CTTNBP2: variants seen among roughly 807,000 people sequenced by gnomAD.
CTTNBP2 encodes the protein cortactin binding protein 2.
Under a neutral mutation model 156.9 loss-of-function variants are expected in CTTNBP2, and 108 were observed. The ratio of observed to expected loss-of-function variants is 0.69; its 90% CI spans 0.59 to 0.81. CTTNBP2 has a LOEUF of 0.81. Among genes scored for constraint, CTTNBP2 ranks in the 30% least tolerant of loss-of-function variants. The pLI, the probability that CTTNBP2 is intolerant of heterozygous loss-of-function variation, is 0.00. For synonymous variants in CTTNBP2, 767 were observed against 751.8 expected (o/e 1.02, Z -0.33); for missense variants, 1,924 against 2,035.4 (o/e 0.95, Z 1.05).
intron 2 of CTTNBP2, among the ~76,000 whole-genome samples, chr7:117,847,454 T>C (rs1802654369): frequency 6.6e-6 from 1 of 152,112 alleles, no homozygotes; most frequent in Non-Finnish European, 1.5e-5. Context: ...GAGAATTGCT[T>C]AAATCAGGAG....
chr7:117,865,387 A>T (rs191433397), intron 1 of CTTNBP2, among the ~76,000 whole-genome samples: 1 of 152,260 alleles, frequency 6.6e-6, no homozygotes, highest in Non-Finnish European at 1.5e-5. Flanking sequence ...TGTGCCAGGC[A>T]CGGTGGCTCA....
At chr7:117,741,875 C>T (rs1355069678) in intron 14 of CTTNBP2, among the ~76,000 whole-genome samples, 1 of 152,204 alleles carries the variant, frequency 6.6e-6, no homozygotes, top group Admixed American at 6.5e-5. Context: ...TTTGCCTATG[C>T]TATTTCTTAC....
chr7:117,842,771 CA>C (rs1802353032), intron 2 of CTTNBP2, among the ~76,000 whole-genome samples: 1 of 152,104 alleles, frequency 6.6e-6, no homozygotes, highest in African/African-American at 2.4e-5. Flanking sequence ...ATACAATATT[CA>C]TTAATCTAAA....
chr7:117,781,401 T>A (rs747063012), intron 6 of CTTNBP2, among the ~76,000 whole-genome samples: 21 of 152,216 alleles, frequency 1.4e-4, no homozygotes, highest in Admixed American at 2.0e-4. Flanking sequence ...ACATTTTTTT[T>A]AAATTAAGTG....
At position 117,777,595 on chromosome 7, in the gene CTTNBP2, C is replaced by T. The variant is rs760708928; in HGVS notation, c.2694G>A (p.Lys898=). 36 of 1,613,898 alleles carry T rather than the reference C, an allele frequency of 2.2e-5. No individual in the cohort carries two copies. The South Asian group carries it at 3.8e-4, about 17-fold the overall frequency. The change falls in exon 8 of 23, where the codon AAG becomes AAA. Residue 898 remains lysine (K), a synonymous_variant. Coordinates refer to ENST00000160373, the MANE Select transcript of CTTNBP2 (RefSeq NM_033427.3). The part of the protein sequence containing the change: ...GGEESPEGIS[K]PVVPADLINH... ...TAATGAGGTCTGCAGGAACAACAGG[C>T]TTGGATATGCCTTCAGGACTCTCTT...
intron 8 of CTTNBP2, among the ~76,000 whole-genome samples, chr7:117,767,399 A>T (rs547337088): frequency 6.6e-6 from 1 of 152,242 alleles, no homozygotes; most frequent in Non-Finnish European, 1.5e-5. Flanking sequence ...TAGGATCATA[A>T]CATTGTTCCA....
At chr7:117,725,483 T>C (rs1795040709) in intron 17 of CTTNBP2, among the ~76,000 whole-genome samples, 1 of 152,234 alleles carries the variant, frequency 6.6e-6, no homozygotes, top group South Asian at 2.1e-4. Context: ...ATTGTTTACA[T>C]GTCTCTCTCA....
intron 2 of CTTNBP2, among the ~76,000 whole-genome samples, chr7:117,852,014 G>C (rs758491870): frequency 2.6e-5 from 4 of 152,002 alleles, no homozygotes; most frequent in African/African-American, 7.2e-5. Context: ...GTTGATTCAG[G>C]CTTCATGAAA....
intron 12 of CTTNBP2, among the ~76,000 whole-genome samples, chr7:117,746,656 G>A (rs1796349873): frequency 6.6e-6 from 1 of 152,140 alleles, no homozygotes; most frequent in Non-Finnish European, 1.5e-5. Context: ...GGGTACATGA[G>A]TGTCATCTTT....
At chr7:117,790,610 A>C (rs1174898906) in intron 4 of CTTNBP2, among the ~76,000 whole-genome samples, 1 of 152,136 alleles carries the variant, frequency 6.6e-6, no homozygotes, top group Non-Finnish European at 1.5e-5. Context: ...AAAAAAAAAA[A>C]AACCGAAAAC....
chr7:117,761,613 T>C (rs560092307), intron 9 of CTTNBP2, among the ~76,000 whole-genome samples: 3 of 152,364 alleles, frequency 2.0e-5, no homozygotes, highest in African/African-American at 7.2e-5. Context: ...TAAAAAATTT[T>C]ATCTAATGAG....
chr7:117,749,786 T>C (rs1312703741), intron 12 of CTTNBP2, among the ~76,000 whole-genome samples: 2 of 152,054 alleles, frequency 1.3e-5, no homozygotes, highest in Non-Finnish European at 2.9e-5. Context: ...AGGCCTCACA[T>C]AAATGGGCCT....
intron 2 of CTTNBP2, among the ~76,000 whole-genome samples, chr7:117,820,503 A>G (rs1800894429): frequency 6.6e-6 from 1 of 152,214 alleles, no homozygotes; most frequent in South Asian, 2.1e-4. Flanking sequence ...TGGAAGTTGC[A>G]TATATTTAGC....
Position 117,861,261 on chromosome 7 carries a change from C to G in CTTNBP2, c.137G>C (p.Ser46Thr), listed in dbSNP as rs572638543. ...GGCCTCCAGCTCCCCTTCCATCACG[C>G]TGAGGAGCATCCGCAGCTCGGATTT... ...LSKSELRMLL[S>T]VMEGELEARD... The change falls in exon 2 of 23, where the codon AGC (serine) becomes ACC (threonine). Residue 46 changes from serine to threonine, a missense_variant. Physicochemically the swap from Ser to Thr is moderately conservative, Grantham distance 58. Transcript: ENST00000160373. The G allele has an allele frequency of 6.2e-7, 1 of 1,613,884 alleles. No homozygotes were observed. Among genetic ancestry groups the G allele is most frequent in the Non-Finnish European group, 8.5e-7 (1 of 1,179,930 alleles).
chr7:117,747,109 G>A (rs920479255), intron 12 of CTTNBP2, among the ~76,000 whole-genome samples: 11 of 152,204 alleles, frequency 7.2e-5, no homozygotes, highest in South Asian at 6.2e-4. Flanking sequence ...AGGTCTTGCC[G>A]GAAAGGACTT....
chr7:117,814,707 A>G (rs556959933), intron 2 of CTTNBP2, among the ~76,000 whole-genome samples: 133 of 152,326 alleles, frequency 8.7e-4, no homozygotes, highest in Non-Finnish European at 1.5e-3. Context: ...GGATTACAGG[A>G]GTGAGCCTCC....
At chr7:117,838,048 T>G (rs1441941748) in intron 2 of CTTNBP2, among the ~76,000 whole-genome samples, 1 of 152,134 alleles carries the variant, frequency 6.6e-6, no homozygotes, top group Non-Finnish European at 1.5e-5. Flanking sequence ...ACAAAACTGG[T>G]TGGTGTAGTT....
chr7:117,796,493 G>A (rs890971382), intron 3 of CTTNBP2, among the ~76,000 whole-genome samples: 2 of 152,130 alleles, frequency 1.3e-5, no homozygotes, highest in Admixed American at 6.5e-5. Context: ...GTACTTAAGA[G>A]AATAAGAGAT....
intron 2 of CTTNBP2, among the ~76,000 whole-genome samples, chr7:117,822,603 C>T (rs1291235484): frequency 2.0e-5 from 3 of 152,132 alleles, no homozygotes; most frequent in South Asian, 4.1e-4. Flanking sequence ...CTGTCTAAAT[C>T]CCTTTTGGTT....
Sources: gnomAD v4.1 joint callset for allele counts (sites outside exome capture counted in the v4.1 genomes callset) on GRCh38, gnomAD v4.1.1 for gene constraint, MANE v1.5 for transcripts, NCBI Gene and HGNC (gene_info 2026-07-23, HGNC 2026-07-21) for gene names.